Variants in DMD observed in about 807,000 individuals in gnomAD.
The protein encoded by DMD is dystrophin, also known as mutant dystrophin.
A neutral mutation model predicts 330.1 loss-of-function variants in DMD; 63 were observed. The ratio of observed to expected loss-of-function variants is 0.19; its 90% CI spans 0.16 to 0.24. The LOEUF (loss-of-function observed/expected upper bound fraction) is 0.24, where lower values mean the gene tolerates loss of function less well. Ranked by LOEUF, DMD falls within the 10% of genes least tolerant of loss-of-function variation. DMD has a pLI of 1.00. For synonymous variants in DMD, 1,223 were observed against 959.8 expected (o/e 1.27, Z -5.07); for missense variants, 3,344 against 2,684.1 (o/e 1.25, Z -5.43).
intron 28 of DMD, among the ~76,000 whole-genome samples, chrX:32,438,894 G>A (rs770319391): frequency 2.7e-5 from 3 of 111,456 alleles, no homozygotes; most frequent in Admixed American, 9.6e-5. Context: ...GTGCCTACTC[G>A]CCTCATAATA....
At chrX:32,229,073 A>ACT (rs2097158087) in intron 43 of DMD, among the ~76,000 whole-genome samples, 1 of 14,287 alleles carries the variant, frequency 7.0e-5, no homozygotes, top group African/African-American at 3.8e-4. Flanking sequence ...GATAGCTTAT[A>ACT]GTGTATGTTT....
chrX:31,464,135 A>G (rs749307918), intron 59 of DMD, among the ~76,000 whole-genome samples: 1 of 111,715 alleles, frequency 9.0e-6, no homozygotes, highest in Admixed American at 9.6e-5. Flanking sequence ...AATAGTAGGA[A>G]GGATGGTATT....
chrX:32,838,859 C>A (rs2079895713), intron 4 of DMD, among the ~76,000 whole-genome samples: 1 of 111,748 alleles, frequency 8.9e-6, no homozygotes, highest in South Asian at 3.8e-4. Flanking sequence ...TTGTGGAAGA[C>A]AGTGTGGTGA....
At chrX:32,527,367 G>A (rs769024602) in intron 17 of DMD, among the ~76,000 whole-genome samples, 5 of 111,377 alleles carry the variant, frequency 4.5e-5, no homozygotes, top group African/African-American at 1.3e-4. Context: ...AGAGTTTTCC[G>A]AAGTGAGAAG....
intron 7 of DMD, among the ~76,000 whole-genome samples, chrX:32,780,232 A>C (rs767810749): frequency 1.8e-5 from 2 of 112,516 alleles, no homozygotes; most frequent in East Asian, 5.6e-4. Context: ...TGTAGCAATT[A>C]CACAATCTCT....
At position 32,345,962 on chromosome X, in the gene DMD, G is replaced by T. The variant is rs148246460; in HGVS notation, c.5567C>A (p.Thr1856Lys). ...EIKIKQQLLQTKHNALKDLRS... is the reference protein window; with the variant it reads ...EIKIKQQLLQKKHNALKDLRS... Reference sequence around the variant, plus strand: ...TAATACCTTGAGAGCATTATGTTTTGTCTGTAACAGCTGCTGTTTTATCTT... The same window carrying T: ...TAATACCTTGAGAGCATTATGTTTTTTCTGTAACAGCTGCTGTTTTATCTT... Residue 1856 changes from threonine (T) to lysine (K), a missense_variant, in exon 39 of 79, where the codon ACA becomes AAA. Physicochemically the swap from Thr to Lys is moderately conservative, Grantham distance 78. Transcript: ENST00000357033. 2 of 1,206,417 alleles carry T rather than the reference G, an allele frequency of 1.7e-6. No homozygotes were observed. The highest frequency in any genetic ancestry group is 1.1e-6 in the Non-Finnish European group (1 of 893,164).
chrX:32,311,534 A>T (rs2148605156), intron 41 of DMD, among the ~76,000 whole-genome samples: 1 of 111,815 alleles, frequency 8.9e-6, no homozygotes, highest in South Asian at 3.7e-4. Context: ...TAGCAAATTC[A>T]CAGAATTGCA....
In DMD at chrX:33,033,519, G is replaced by T. The variant is rs780305454; in HGVS notation, c.32-13319C>A. 2.9e-3 allele frequency among the ~76,000 whole-genome samples: 286 copies of T among 99,296 alleles called. 1 individual carries two copies. The highest frequency in any genetic ancestry group is 0.011 in the African/African-American group (273 of 24,791). 86.2% of individuals were successfully genotyped at this position (99,296 alleles called of 115,157 possible). A position where few individuals can be genotyped will look rare whatever the true frequency, so the allele number is the denominator to read the frequency against. ...AGGTCAGGAGATCGAGACCCTCCTG[G>T]CAAACACGGTGAAACCCCGTCTCTA... On this transcript the variant is annotated intron_variant, in intron 1 of 78. Coordinates refer to ENST00000357033, the MANE Select transcript of DMD (RefSeq NM_004006.3).
chrX:32,735,355 G>A (rs1390713603), intron 7 of DMD, among the ~76,000 whole-genome samples: 1 of 110,612 alleles, frequency 9.0e-6, no homozygotes, highest in African/African-American at 3.3e-5. Flanking sequence ...GTAATTTACA[G>A]ATTCAATGTC....
chrX:32,247,272 T>C (rs995104054), intron 43 of DMD, among the ~76,000 whole-genome samples: 2 of 111,779 alleles, frequency 1.8e-5, no homozygotes, highest in African/African-American at 6.5e-5. Flanking sequence ...ATAATTTCCT[T>C]GGAAGTTTGT....
intron 7 of DMD, among the ~76,000 whole-genome samples, chrX:32,796,969 T>G (rs968372720): frequency 2.7e-5 from 3 of 112,416 alleles, no homozygotes; most frequent in East Asian, 2.8e-4. Context: ...TCATCTTATA[T>G]TTCATGTTCC....
chrX:31,490,019 AAGACTT>A (rs760526029), intron 57 of DMD, among the ~76,000 whole-genome samples: 8 of 112,025 alleles, frequency 7.1e-5, no homozygotes, highest in East Asian at 5.6e-4. Flanking sequence ...TAGTTTTCAG[AAGACTT>A]AGACTTAGTT....
rs1015769148 is a variant in DMD, at chrX:32,453,336, G to A, written c.3603+1326C>T. On this transcript the variant is annotated intron_variant, in intron 26 of 78. Transcript: ENST00000357033. ...GCTATTGCTAGATTAGAATAATTCT[G>A]TGTTTTTAATACTCTAGAAATGATT... 2.7e-5 allele frequency among the ~76,000 whole-genome samples: 3 copies of A among 110,382 alleles called. No individual in the cohort carries two copies. The South Asian group carries it at 1.1e-3, about 41-fold the overall frequency.
At chrX:32,866,724 T>TTGGGG (rs1307416049) in intron 2 of DMD, among the ~76,000 whole-genome samples, 1 of 38,413 alleles carries the variant, frequency 2.6e-5, no homozygotes, top group African/African-American at 1.7e-4. Context: ...CACTTTTTTT[T>TTGGGG]GGGGGGGGGT....
intron 11 of DMD, among the ~76,000 whole-genome samples, chrX:32,621,715 A>T (rs922140725): frequency 5.4e-5 from 6 of 110,286 alleles, no homozygotes; most frequent in African/African-American, 2.0e-4. Context: ...TGCAAACGGG[A>T]TGGCTCAATA....
intron 7 of DMD, among the ~76,000 whole-genome samples, chrX:32,786,573 T>G (rs7060840): frequency 0.17 from 19,181 of 111,327 alleles, 2,110 homozygotes; most frequent in African/African-American, 0.41. Flanking sequence ...ATCCCTCTTA[T>G]TCTGGCTCTA....
At chrX:31,430,433 G>C (rs1039962684) in intron 60 of DMD, among the ~76,000 whole-genome samples, 3 of 111,542 alleles carry the variant, frequency 2.7e-5, no homozygotes, top group Non-Finnish European at 5.6e-5. Flanking sequence ...GAGCAGAAAA[G>C]GCTGGAAAGG....
chrX:31,152,142 T>C (rs144076429), intron 74 of DMD, among the ~76,000 whole-genome samples: 125 of 111,775 alleles, frequency 1.1e-3, no homozygotes, highest in African/African-American at 3.7e-3. Context: ...TAGTTTCTTG[T>C]TATTTTAGCG....
rs746521466 is a variant in DMD, at chrX:31,478,373, C to T, written c.8670G>A (p.Glu2890=). ...TCTGGGCTCTCTCCTCAGGAGGCAGCTCTAAATTGGCAATATGACAAGGTT... is the reference window on the plus strand; with the variant it reads ...TCTGGGCTCTCTCCTCAGGAGGCAGTTCTAAATTGGCAATATGACAAGGTT... The part of the protein sequence containing the change: ...GLEKLYQEPR[E]LPPEERAQNV... Residue 2890 remains glutamate, a splice_region_variant and synonymous_variant, in exon 59 of 79, where the codon GAG becomes GAA. Transcript: ENST00000357033. The T allele has an allele frequency of 1.7e-6, 2 of 1,209,885 alleles. No homozygotes were observed. Among genetic ancestry groups the T allele is most frequent in the Admixed American group, 4.4e-5 (2 of 45,691 alleles).
Sources: gnomAD v4.1 joint callset for allele counts (sites outside exome capture counted in the v4.1 genomes callset) on GRCh38, gnomAD v4.1.1 for gene constraint, MANE v1.5 for transcripts, NCBI Gene and HGNC (gene_info 2026-07-23, HGNC 2026-07-21) for gene names.